The following PLPPR1 variants were observed in gnomAD, a reference collection of about 807,000 sequenced individuals.
PLPPR1 encodes the protein phospholipid phosphatase related 1.
A neutral mutation model predicts 33.1 loss-of-function variants in PLPPR1; 10 were observed. The ratio of observed to expected loss-of-function variants is 0.30; its 90% confidence interval spans 0.19 to 0.51. The LOEUF is 0.51. Ranked by LOEUF, PLPPR1 falls within the 20% of genes least tolerant of loss-of-function variation. The probability of loss-of-function intolerance (pLI) is 0.97; values close to 1 mark genes in which losing one functional copy is unlikely to be tolerated. For missense variants in PLPPR1, 304 were observed against 408.1 expected (o/e 0.74, Z 2.20); for synonymous variants, 151 against 151.0 (o/e 1.00, Z 0.00).
At chr9:101,083,651 C>T (rs184965180) in intron 1 of PLPPR1, among the ~76,000 whole-genome samples, 13 of 152,172 alleles carry the variant, frequency 8.5e-5, no homozygotes, top group South Asian at 2.1e-4. Context: ...GCAGTGTCCC[C>T]GTAAGAGGAG....
intron 1 of PLPPR1, among the ~76,000 whole-genome samples, chr9:101,111,746 T>C (rs1212633358): frequency 6.6e-6 from 1 of 152,198 alleles, no homozygotes; most frequent in Non-Finnish European, 1.5e-5. Flanking sequence ...ATTATTATTT[T>C]CTGAGTCTCT....
chr9:101,123,342 G>A (rs1831199757), intron 1 of PLPPR1, among the ~76,000 whole-genome samples: 1 of 152,072 alleles, frequency 6.6e-6, no homozygotes, highest in African/African-American at 2.4e-5. Context: ...GTCTGATCTG[G>A]CCTGTATGGG....
At chr9:101,036,676 A>C (rs1830014106) in intron 1 of PLPPR1, among the ~76,000 whole-genome samples, 1 of 148,910 alleles carries the variant, frequency 6.7e-6, no homozygotes, top group African/African-American at 2.5e-5. Context: ...TGGAAGGTAG[A>C]ATGACAAAGC....
intron 1 of PLPPR1, among the ~76,000 whole-genome samples, chr9:101,156,586 G>GA (rs1304411678): frequency 6.2e-4 from 80 of 129,750 alleles, no homozygotes; most frequent in African/African-American, 2.1e-3. Flanking sequence ...AAGAAAGAAA[G>GA]AAAAAAAAGA....
At chr9:101,137,544 T>C (rs1305723007) in intron 1 of PLPPR1, among the ~76,000 whole-genome samples, 2 of 152,160 alleles carry the variant, frequency 1.3e-5, no homozygotes, top group East Asian at 3.9e-4. Context: ...TGTTGGGGTG[T>C]ACAGCTTCGT....
intron 1 of PLPPR1, among the ~76,000 whole-genome samples, chr9:101,106,145 T>C (rs889807166): frequency 1.3e-5 from 2 of 151,262 alleles, no homozygotes; most frequent in Non-Finnish European, 2.9e-5. Flanking sequence ...TTAGTCCATT[T>C]ACATTTAAAG....
intron 2 of PLPPR1, among the ~76,000 whole-genome samples, chr9:101,225,940 G>A (rs1827057883): frequency 1.3e-5 from 2 of 151,998 alleles, no homozygotes; most frequent in African/African-American, 4.8e-5. Context: ...TGGAGAAACT[G>A]AGGCCCAGAG....
intron 1 of PLPPR1, among the ~76,000 whole-genome samples, chr9:101,112,673 T>G (rs1245742878): frequency 1.3e-5 from 2 of 152,168 alleles, no homozygotes; most frequent in African/African-American, 4.8e-5. Flanking sequence ...GCTTCACACT[T>G]TGGGGAAATG....
chr9:101,166,027 C>A (rs1408021082), intron 1 of PLPPR1, among the ~76,000 whole-genome samples: 1 of 152,132 alleles, frequency 6.6e-6, no homozygotes, highest in African/African-American at 2.4e-5. Flanking sequence ...CAAATCAGAT[C>A]ATGGAAGTTT....
At chr9:101,167,661 G>A (rs1825880817) in intron 1 of PLPPR1, among the ~76,000 whole-genome samples, 1 of 152,026 alleles carries the variant, frequency 6.6e-6, no homozygotes, top group Non-Finnish European at 1.5e-5. Flanking sequence ...TTCTGAAAGG[G>A]CACTTTGGTC....
At chr9:101,144,586 C>A (rs759327256) in intron 1 of PLPPR1, among the ~76,000 whole-genome samples, 11 of 152,066 alleles carry the variant, frequency 7.2e-5, no homozygotes, top group South Asian at 2.1e-4. Context: ...CAGAAAAAAA[C>A]CAAACCTATT....
intron 2 of PLPPR1, among the ~76,000 whole-genome samples, chr9:101,210,943 A>G (rs1238744444): frequency 6.6e-6 from 1 of 151,880 alleles, no homozygotes; most frequent in African/African-American, 2.4e-5. Context: ...AATTTTTTGT[A>G]TTTTTAGTAG....
chr9:101,078,099 A>AAGGAGAAGGAGAAGGAGAAGGAGAAGG, intron 1 of PLPPR1, among the ~76,000 whole-genome samples: 1 of 48,812 alleles, frequency 2.0e-5, no homozygotes, highest in Non-Finnish European at 3.9e-5. Context: ...GGAGAAGGAG[A>AAGGAGAAGGAGAAGGAGAAGGAGAAGG]AGGAGAAGAA....
At chr9:101,231,792 A>T (rs928248160) in intron 2 of PLPPR1, among the ~76,000 whole-genome samples, 2 of 152,022 alleles carry the variant, frequency 1.3e-5, no homozygotes, top group South Asian at 4.1e-4. Flanking sequence ...ACTTGCTTTA[A>T]AGTAGTCGAT....
At chr9:101,181,105 G>A (rs568845772) in intron 1 of PLPPR1, among the ~76,000 whole-genome samples, 1 of 147,194 alleles carries the variant, frequency 6.8e-6, no homozygotes, top group Non-Finnish European at 1.5e-5. Flanking sequence ...ACATACAAAT[G>A]GCCAACAGAT....
chr9:101,095,987 T>C (rs1403611606), intron 1 of PLPPR1, among the ~76,000 whole-genome samples: 1 of 152,178 alleles, frequency 6.6e-6, no homozygotes, highest in Non-Finnish European at 1.5e-5. Context: ...TGTAGTTACA[T>C]GACTGTGGGT....
At chr9:101,160,476 T>TGATCAAAAA (rs1831758332) in intron 1 of PLPPR1, among the ~76,000 whole-genome samples, 3 of 152,184 alleles carry the variant, frequency 2.0e-5, no homozygotes, top group Admixed American at 2.0e-4. Flanking sequence ...ATGAGAGCTT[T>TGATCAAAAA]CACATGGGAA....
chr9:101,299,308 G>A (rs1227063161), intron 4 of PLPPR1, among the ~76,000 whole-genome samples: 6 of 152,300 alleles, frequency 3.9e-5, no homozygotes, highest in Non-Finnish European at 5.9e-5. Context: ...GATGTTTGCT[G>A]CTTCCTACTA....
At chr9:101,309,122 C>G (rs1828908908) in intron 4 of PLPPR1, 89 bp from the exon 5 acceptor site, 2 of 1,347,100 alleles carry the variant, frequency 1.5e-6, no homozygotes, top group African/African-American at 1.4e-5. Flanking sequence ...GATAGGTCAT[C>G]ATGGACTCTC....
Sources: allele counts gnomAD v4.1 joint callset (sites outside exome capture counted in the v4.1 genomes callset), GRCh38; gene constraint gnomAD v4.1.1; transcripts MANE v1.5; gene names NCBI Gene and HGNC (gene_info 2026-07-23, HGNC 2026-07-21).